Variants in EMC1 observed in about 807,000 individuals in gnomAD.
The protein encoded by EMC1 is KIAA0090.
A neutral mutation model predicts 128.8 loss-of-function variants in EMC1; 103 were observed. That is an observed-to-expected ratio of 0.80 (90% CI 0.68 to 0.94). The LOEUF (loss-of-function observed/expected upper bound fraction) is 0.94, where lower values mean the gene tolerates loss of function less well. Among genes scored for constraint, EMC1 ranks in the 40% least tolerant of loss-of-function variants. The pLI is 0.00. For missense variants in EMC1, 1,083 were observed against 1,250.6 expected, an observed-to-expected ratio of 0.87 and a Z score of 2.02; for synonymous variants, 442 against 490.4, an observed-to-expected ratio of 0.90 and a Z score of 1.30.
In EMC1 at chr1:19,244,966, A is replaced by G. The variant is rs2151963844; in HGVS notation, c.160T>C (p.Leu54=). The change falls in exon 2 of 23, where the codon TTG becomes CTG. Residue 54 remains leucine (L), a synonymous_variant. Coordinates refer to ENST00000477853, the MANE Select transcript of EMC1 (RefSeq NM_015047.3). ...ACATTCTTCTCTGTGGCTACAACCA[A>G]CTTCTTGGATCCAGGGGAAAATTCC... ...SLEFSPGSKK[L]VVATEKNVIA... is the part of the protein sequence containing the mutation. 2 of 1,614,000 alleles carry G rather than the reference A, an allele frequency of 1.2e-6. No homozygotes were observed. Among genetic ancestry groups the G allele is most frequent in the African/African-American group, 1.3e-5 (1 of 75,022 alleles).
chr1:19,239,367 G>A (rs2093589535), intron 8 of EMC1, 65 bp from the exon 9 acceptor site: 1 of 1,414,302 alleles, frequency 7.1e-7, no homozygotes, highest in Non-Finnish European at 1.0e-6. Flanking sequence ...CTTACAGAGG[G>A]TCACCTCTCC....
At chr1:19,247,469 T>C (rs890940795) in intron 1 of EMC1, among the ~76,000 whole-genome samples, 3 of 152,246 alleles carry the variant, frequency 2.0e-5, no homozygotes, top group Admixed American at 1.3e-4. Flanking sequence ...GAAAAATTCC[T>C]ATAACCTAGT....
At chr1:19,226,866 G>A (rs919066993) in intron 18 of EMC1, among the ~76,000 whole-genome samples, 10 of 151,790 alleles carry the variant, frequency 6.6e-5, no homozygotes, top group African/African-American at 2.2e-4. Context: ...GAGCCACCAA[G>A]CCCAGCCGTT....
In EMC1 at chr1:19,223,437, T is replaced by C; in HGVS notation, c.2335A>G (p.Lys779Glu). The stretch of plus-strand genomic sequence containing the variant: ...GAATGCACGATATGGACAGGGCCTT[T>C]GGCTTTCTTCTGCACAGAGGAGTGA... The part of the protein sequence containing the change: ...IIHSSVQKKA[K>E]GPVHIVHSEN... Residue 779 changes from lysine (K) to glutamate (E), a missense_variant, in exon 19 of 23, where the codon AAA (lysine) becomes GAA (glutamate). Lys to Glu is a moderately conservative substitution (Grantham distance 56). This residue lies in a region of EMC1 where 527 missense variants were observed against 644.1 expected (regional missense o/e 0.82). Coordinates refer to ENST00000477853, the MANE Select transcript of EMC1 (RefSeq NM_015047.3). 1 of 1,614,168 alleles carries C rather than the reference T, an allele frequency of 6.2e-7. No homozygotes were observed. The highest frequency in any genetic ancestry group is 2.2e-5 in the East Asian group (1 of 44,872).
intron 15 of EMC1, 124 bp downstream of exon 15, chr1:19,232,500 G>T: frequency 9.2e-7 from 1 of 1,088,784 alleles, no homozygotes. Flanking sequence ...AGAAGAAACA[G>T]AGTTCTAACC....
chr1:19,236,114 G>C (rs2151953271), intron 12 of EMC1, among the ~76,000 whole-genome samples: 1 of 152,142 alleles, frequency 6.6e-6, no homozygotes, highest in East Asian at 1.9e-4. Flanking sequence ...AGTGGCTCAT[G>C]CCTGTAATCC....
At chr1:19,242,762 T>C (rs1055352841) in intron 4 of EMC1, among the ~76,000 whole-genome samples, 3 of 152,154 alleles carry the variant, frequency 2.0e-5, no homozygotes, top group Admixed American at 6.5e-5. Context: ...CTGCCACATA[T>C]CCATGAGACA....
chr1:19,241,298 C>T (rs1286423708), intron 5 of EMC1, among the ~76,000 whole-genome samples, 156 bp from the exon 6 acceptor site: 1 of 152,162 alleles, frequency 6.6e-6, no homozygotes, highest in African/African-American at 2.4e-5. Flanking sequence ...TGTTGTTGTT[C>T]TTAATTTGAA....
intron 19 of EMC1, 108 bp downstream of exon 19, chr1:19,223,288 G>A (rs576029583): frequency 2.9e-6 from 3 of 1,027,792 alleles, no homozygotes; most frequent in South Asian, 3.1e-5. Flanking sequence ...GCCATCCAGG[G>A]AATTTGAGAT....
chr1:19,224,107 C>T (rs1047828586), intron 18 of EMC1, among the ~76,000 whole-genome samples: 2 of 152,176 alleles, frequency 1.3e-5, no homozygotes, highest in African/African-American at 4.8e-5. Flanking sequence ...AGCACTCCTT[C>T]TACTTTACTG....
At position 19,233,031 on chromosome 1, in the gene EMC1, G is replaced by A. The variant is rs969642659; in HGVS notation, c.1537C>T (p.Arg513Trp). 20 of 1,614,070 alleles carry A rather than the reference G, an allele frequency of 1.2e-5. No homozygotes were observed. Among genetic ancestry groups the A allele is most frequent in the Non-Finnish European group, 1.6e-5 (19 of 1,179,986 alleles). Residue 513 changes from arginine (R) to tryptophan (W), a missense_variant, in exon 14 of 23, where the codon CGG (arginine) becomes TGG (tryptophan). By Grantham distance (101) the Arg-to-Trp change is moderately radical. Around this residue, in one of 3 missense-constraint regions of EMC1, gnomAD observed 527 missense variants for 644.1 expected, o/e 0.82. Coordinates refer to ENST00000477853, the MANE Select transcript of EMC1 (RefSeq NM_015047.3). ...TTGATCTCATTCTTAATCTGACTCC[G>A]GGGCTTCCGAGCATCATAAAACATT... ...WKMFYDARKP[R>W]SQIKNEINID...
At chr1:19,235,788 G>A (rs1225617975) in intron 12 of EMC1, among the ~76,000 whole-genome samples, 1 of 152,138 alleles carries the variant, frequency 6.6e-6, no homozygotes, top group Non-Finnish European at 1.5e-5. Flanking sequence ...AGCTACTTAG[G>A]AGGCTGAGAT....
intron 18 of EMC1, among the ~76,000 whole-genome samples, chr1:19,226,478 T>G (rs1337102674): frequency 6.6e-6 from 1 of 151,976 alleles, no homozygotes; most frequent in Non-Finnish European, 1.5e-5. Context: ...AAAAAAAAAT[T>G]TTTTTTTGAA....
rs1445403565 is a variant in EMC1 at position 19,239,256 on chromosome 1, G to A, written c.1001C>T (p.Ala334Val). Residue 334 changes from alanine to valine, a missense_variant, in exon 9 of 23, where the codon GCA (alanine) becomes GTA (valine). Ala to Val is a moderately conservative substitution (Grantham distance 64). This residue lies in a region of EMC1 where 544 missense variants were observed against 572.4 expected (regional missense o/e 0.95). Transcript: ENST00000477853. The stretch of plus-strand genomic sequence containing the variant: ...CACTTCATTCCGACAGGCCATGACT[G>A]CAGCCACCGTCTTCTCCCCAGTGGT... The part of the protein sequence containing the change: ...FATTGEKTVA[A>V]VMACRNEVQK... The A allele has an allele frequency of 1.2e-6, 2 of 1,614,162 alleles. No individual in the cohort carries two copies. The highest frequency in any genetic ancestry group is 2.2e-5 in the East Asian group (1 of 44,886).
rs149343248 is a variant in EMC1, at chr1:19,224,291, T to C, written c.2203-722A>G. 6.5e-3 allele frequency among the ~76,000 whole-genome samples: 983 copies of C among 152,278 alleles called. 2 individuals are homozygous for C. The highest frequency in any genetic ancestry group is 0.011 in the Admixed American group (161 of 15,304). On this transcript the variant is annotated intron_variant, in intron 18 of 22. Transcript: ENST00000477853. ...ATTTATGGATGTTGGCAATGCCCAA[T>C]GTATATATCCAAACCAGATACTCCT...
intron 17 of EMC1, among the ~76,000 whole-genome samples, chr1:19,228,006 G>C (rs2151944517): frequency 6.6e-6 from 1 of 152,300 alleles, no homozygotes; most frequent in Middle Eastern, 3.4e-3. Context: ...GGGAGTTTGA[G>C]ACCAGCCTGA....
Position 19,232,702 on chromosome 1 carries a change from G to A in EMC1, c.1704C>T (p.Ser568=), listed in dbSNP as rs772055241. Residue 568 remains serine (S), a synonymous_variant, in exon 15 of 23, where the codon TCC becomes TCT. Coordinates refer to ENST00000477853, the MANE Select transcript of EMC1 (RefSeq NM_015047.3). ...KQYLPNVKPD[S]SFKLMVQRTT... ...TTCTCTGGACCATCAGTTTAAAGGA[G>A]GAGTCTGGCTTGACATTGGGTAGAT... The A allele has an allele frequency of 6.2e-5, 100 of 1,614,082 alleles. No homozygotes were observed. The highest frequency in any genetic ancestry group is 1.7e-4 in the Admixed American group (10 of 60,004).
chr1:19,220,012 C>T, intron 21 of EMC1: 1 of 316,880 alleles, frequency 3.2e-6, no homozygotes, highest in Non-Finnish European at 5.9e-6. Context: ...ACACACTGAA[C>T]CACTAAGCTA....
chr1:19,233,348 T>G (rs16862629), intron 13 of EMC1, among the ~76,000 whole-genome samples: 17,979 of 152,130 alleles, frequency 0.12, 1,161 homozygotes, highest in African/African-American at 0.16. Context: ...CTTAACTGGC[T>G]CTTAACAACT....
Sources: gnomAD v4.1 joint callset for allele counts (sites outside exome capture counted in the v4.1 genomes callset) on GRCh38, gnomAD v4.1.1 for gene constraint, gnomAD v4.1.1 regional missense constraint, MANE v1.5 for transcripts, NCBI Gene and HGNC (gene_info 2026-07-23, HGNC 2026-07-21) for gene names.